MYOM1: variants seen among roughly 807,000 people sequenced by gnomAD.
MYOM1 encodes the protein myomesin 1, also known as myomesin-1.
Under a neutral mutation model 205.3 loss-of-function variants are expected in MYOM1, and 164 were observed. The observed-to-expected ratio is 0.80, with a 90% CI of 0.70 to 0.91. The LOEUF (loss-of-function observed/expected upper bound fraction) is 0.91, where lower values mean the gene tolerates loss of function less well. Among genes scored for constraint, MYOM1 ranks in the 40% least tolerant of loss-of-function variants. The pLI is 0.00. For synonymous variants in MYOM1, 772 were observed against 789.4 expected (o/e 0.98, Z 0.37); for missense variants, 2,011 against 2,127.3 (o/e 0.95, Z 1.08).
chr18:3,084,961 A>T, intron 31 of MYOM1, 84 bp downstream of exon 31: 1 of 1,037,190 alleles, frequency 9.6e-7, no homozygotes, highest in Non-Finnish European at 1.4e-6. Flanking sequence ...GCATGATTTC[A>T]ATCGTCAGCT....
chr18:3,135,659 C>T lies in MYOM1; in HGVS notation c.2097G>A (p.Leu699=), dbSNP rs1462488179. Residue 699 remains leucine, a synonymous_variant, in exon 15 of 38, where the codon CTG becomes CTA. Transcript: ENST00000356443. The surrounding 1 kb of genome is among the most constrained non-coding windows in gnomAD (Gnocchi z 4.1). ...AGGATTTCCCCTCGGCCAAGTCAAA[C>T]AGAGCAAAGCGGGGAGACTTCACAG... is the stretch of plus-strand genomic sequence containing the variant. ...ELPVKSPRFA[L]FDLAEGKSYC... 6.2e-7 allele frequency: 1 copy of T among 1,613,988 alleles called. No individual in the cohort carries two copies. Among genetic ancestry groups the T allele is most frequent in the South Asian group, 1.1e-5 (1 of 91,084 alleles).
At chr18:3,119,427 T>C (rs2079652622) in intron 20 of MYOM1, among the ~76,000 whole-genome samples, 9 of 152,142 alleles carry the variant, frequency 5.9e-5, no homozygotes. Flanking sequence ...GGGGGGCTAA[T>C]AAATGAGAAC....
chr18:3,126,323 C>CA (rs2079781868), intron 19 of MYOM1, among the ~76,000 whole-genome samples: 1 of 135,752 alleles, frequency 7.4e-6, no homozygotes, highest in South Asian at 2.3e-4. Flanking sequence ...TCCTGGGAAT[C>CA]TTTTTTTTTT....
the MYOM1 span, among the ~76,000 whole-genome samples, chr18:3,238,926 C>T: frequency 6.6e-6 from 1 of 152,182 alleles, no homozygotes; most frequent in Non-Finnish European, 1.5e-5. Flanking sequence ...TTCTGCCTCC[C>T]TCTTCTTCCA....
At chr18:3,082,947 C>T (rs1412648700) in intron 33 of MYOM1, among the ~76,000 whole-genome samples, 1 of 152,168 alleles carries the variant, frequency 6.6e-6, no homozygotes, top group Non-Finnish European at 1.5e-5. Flanking sequence ...CTTGGGCACT[C>T]GTTGGATTAG....
chr18:3,146,149 G>A (rs2080119169), intron 13 of MYOM1, among the ~76,000 whole-genome samples: 1 of 151,554 alleles, frequency 6.6e-6, no homozygotes, highest in African/African-American at 2.4e-5. Context: ...AAACCTCCAG[G>A]CCTAGATGGC....
rs765449242 is a variant in MYOM1 at position 3,189,111 on chromosome 18, G to A, written c.432-24C>T. On this transcript the variant is annotated intron_variant, in intron 3 of 37. Transcript: ENST00000356443. This position sits in a 1 kb window ranked among gnomAD's most constrained non-coding sequence, Gnocchi z 4.8. ...GACTAAAACACAACAATGGCAAAAT[G>A]TAGATGTTGTGGATGGCAGTGATAA... 4 of 1,594,630 alleles carry A rather than the reference G, an allele frequency of 2.5e-6. No individual in the cohort carries two copies. The highest frequency in any genetic ancestry group is 3.3e-4 in the Middle Eastern group (2 of 5,974).
At chr18:3,122,555 T>A (rs184584063) in intron 19 of MYOM1, among the ~76,000 whole-genome samples, 6 of 152,308 alleles carry the variant, frequency 3.9e-5, no homozygotes, top group Admixed American at 2.6e-4. Flanking sequence ...TTTTTTTCCT[T>A]CCTGTACTAT....
chr18:3,078,693 C>A (rs2079048461), intron 34 of MYOM1, among the ~76,000 whole-genome samples: 1 of 152,120 alleles, frequency 6.6e-6, no homozygotes, highest in African/African-American at 2.4e-5. Context: ...ACCTTGGCCT[C>A]CCAAAGTGCT....
rs955122698 is a variant in MYOM1 at position 3,188,796 on chromosome 18, C to T, written c.723G>A (p.Arg241=). 6.2e-6 allele frequency: 10 copies of T among 1,607,210 alleles called. No individual in the cohort carries two copies. Among genetic ancestry groups the T allele is most frequent in the Non-Finnish European group, 8.5e-6 (10 of 1,174,878 alleles). ...QQEETSEKKS[R]KVVIREKAER... Reference sequence around the variant, plus strand: ...CTGCCTTTTCTCGAATCACAACTTTCCTTGACTTCTTTTCAGAAGTTTCTT... The same window carrying T: ...CTGCCTTTTCTCGAATCACAACTTTTCTTGACTTCTTTTCAGAAGTTTCTT... Residue 241 remains arginine (R), a synonymous_variant, in exon 4 of 38, where the codon AGG becomes AGA. Transcript: ENST00000356443.
intron 2 of MYOM1, among the ~76,000 whole-genome samples, chr18:3,213,022 C>CTGTTACT (rs2081209714): frequency 6.6e-6 from 1 of 152,180 alleles, no homozygotes; most frequent in African/African-American, 2.4e-5. Flanking sequence ...ATCATACACT[C>CTGTTACT]CAGGTAAACC....
At chr18:3,231,859 T>C in the MYOM1 span, among the ~76,000 whole-genome samples, 3 of 150,824 alleles carry the variant, frequency 2.0e-5, no homozygotes, top group Admixed American at 6.6e-5. Flanking sequence ...TTTTTTTTTT[T>C]TTTTTTTTTA....
intron 23 of MYOM1, among the ~76,000 whole-genome samples, chr18:3,100,731 C>T (rs902489150): frequency 4.7e-4 from 71 of 152,152 alleles, no homozygotes; most frequent in African/African-American, 8.0e-4. Context: ...CTGATCAGTC[C>T]CTGCTGGGAG....
At chr18:3,075,666 T>TGCAA (rs1567891488) in intron 35 of MYOM1, 59 bp downstream of exon 35, 1 of 1,562,776 alleles carries the variant, frequency 6.4e-7, no homozygotes, top group Admixed American at 1.7e-5. Flanking sequence ...GCGAGCAGCA[T>TGCAA]GCAAGCTTCC....
chr18:3,198,334 T>C (rs2081019492), intron 2 of MYOM1, among the ~76,000 whole-genome samples: 1 of 152,174 alleles, frequency 6.6e-6, no homozygotes, highest in Non-Finnish European at 1.5e-5. Flanking sequence ...GCATCACCCA[T>C]CCTTATGTGT....
At position 3,116,330 on chromosome 18, in the gene MYOM1, C is replaced by T. The variant is rs1411290998; in HGVS notation, c.3303+1G>A. On this transcript the variant is annotated splice_donor_variant, in intron 21 of 37. Coordinates refer to ENST00000356443, the MANE Select transcript of MYOM1 (RefSeq NM_003803.4). LOFTEE classifies it high-confidence loss of function. ...AGCTCTAGAACTGAGCAGCCTCTTACCTTCAGGTATACGTTTTTAATAGCC... is the reference window on the plus strand; with the variant it reads ...AGCTCTAGAACTGAGCAGCCTCTTATCTTCAGGTATACGTTTTTAATAGCC... 2 of 1,610,504 alleles carry T rather than the reference C, an allele frequency of 1.2e-6. No individual in the cohort carries two copies.
chr18:3,201,823 T>C (rs920394773), intron 2 of MYOM1, among the ~76,000 whole-genome samples: 1 of 152,048 alleles, frequency 6.6e-6, no homozygotes, highest in African/African-American at 2.4e-5. Flanking sequence ...TCTGTATTTT[T>C]TGTAGAACTG....
At chr18:3,125,063 C>T (rs2079759479) in intron 19 of MYOM1, among the ~76,000 whole-genome samples, 1 of 152,184 alleles carries the variant, frequency 6.6e-6, no homozygotes, top group Non-Finnish European at 1.5e-5. Flanking sequence ...AAAGGATGTT[C>T]AAACTCATTT....
chr18:3,193,906 T>G lies in MYOM1; in HGVS notation c.343A>C (p.Lys115Gln). The G allele has an allele frequency of 6.2e-7, 1 of 1,613,922 alleles. No individual in the cohort carries two copies. The change falls in exon 3 of 38, where the codon AAA becomes CAA. Residue 115 changes from lysine to glutamine, a missense_variant. Lys to Gln is a moderately conservative substitution (Grantham distance 53, BLOSUM62 1). Transcript: ENST00000356443. ...LDDYSSKLSP[K>Q]PKRAKHSLLS... ...AGGCTGTGCTTGGCTCTCTTTGGTTTGGGGCTCAACTTGGATGAATAATCA... is the reference window on the plus strand; with the variant it reads ...AGGCTGTGCTTGGCTCTCTTTGGTTGGGGGCTCAACTTGGATGAATAATCA...
Sources: gnomAD v4.1 joint callset for allele counts (sites outside exome capture counted in the v4.1 genomes callset) on GRCh38, gnomAD v4.1.1 for gene constraint, Gnocchi (gnomAD v3.1) non-coding constraint, MANE v1.5 for transcripts, NCBI Gene and HGNC (gene_info 2026-07-23, HGNC 2026-07-21) for gene names.